Variants in LAMA2 observed in about 807,000 individuals in gnomAD.
The protein encoded by LAMA2 is laminin subunit alpha-2.
LAMA2 carries 269 observed loss-of-function variants against 364.8 expected under a neutral mutation model. The ratio of observed to expected loss-of-function variants is 0.74; its 90% CI spans 0.67 to 0.82. The LOEUF (loss-of-function observed/expected upper bound fraction) is 0.82. Among genes scored for constraint, LAMA2 ranks in the 40% least tolerant of loss-of-function variants. The pLI is 0.00. For missense variants in LAMA2, 3,807 were observed against 3,873.2 expected (o/e 0.98, Z 0.45); for synonymous variants, 1,379 against 1,370.6 (o/e 1.01, Z -0.14).
intron 1 of LAMA2, among the ~76,000 whole-genome samples, chr6:129,035,528 A>T (rs1479409259): frequency 3.7e-3 from 498 of 133,132 alleles, no homozygotes; most frequent in East Asian, 5.9e-3. Flanking sequence ...CCATTTGTTC[A>T]TTTTTTTTTT....
intron 1 of LAMA2, among the ~76,000 whole-genome samples, chr6:129,004,412 A>T (rs1281683221): frequency 4.6e-5 from 3 of 64,934 alleles, no homozygotes; most frequent in East Asian, 2.0e-4. Context: ...ATAATAAAAA[A>T]AAAAAAAAAA....
chr6:129,499,519 C>G (rs918761043), intron 58 of LAMA2, among the ~76,000 whole-genome samples: 3 of 152,118 alleles, frequency 2.0e-5, no homozygotes, highest in African/African-American at 4.8e-5. Context: ...TCCTTAGTGA[C>G]AAGATCATTT....
At position 129,288,008 on chromosome 6, in the gene LAMA2, T is replaced by G; in HGVS notation, c.2699T>G (p.Leu900Arg). 6.2e-7 allele frequency: 1 copy of G among 1,614,110 alleles called. No homozygotes were observed. The highest frequency in any genetic ancestry group is 8.5e-7 in the Non-Finnish European group (1 of 1,179,958). ...GGTACAACAGGCCGGTACTGTGAGC[T>G]CTGTGCTGATGGATATTTTGGAGAT... is the stretch of plus-strand genomic sequence containing the variant. ...KPGTTGRYCE[L>R]CADGYFGDAV... Residue 900 changes from leucine (L) to arginine (R), a missense_variant, in exon 19 of 65, where the codon CTC becomes CGC. Leu to Arg is a moderately radical substitution (Grantham distance 102, BLOSUM62 -2). Coordinates refer to ENST00000421865, the MANE Select transcript of LAMA2 (RefSeq NM_000426.4).
chr6:129,099,347 G>A (rs2114875958), intron 4 of LAMA2, among the ~76,000 whole-genome samples: 1 of 151,700 alleles, frequency 6.6e-6, no homozygotes, highest in East Asian at 1.9e-4. Context: ...TTGCCATTAA[G>A]GAAATAATAA....
intron 32 of LAMA2, 69 bp downstream of exon 32, chr6:129,353,426 A>C: frequency 5.2e-6 from 7 of 1,336,362 alleles, no homozygotes; most frequent in Non-Finnish European, 7.5e-6. Context: ...TCCAATGAGA[A>C]AGAGTGACTC....
intron 9 of LAMA2, among the ~76,000 whole-genome samples, chr6:129,172,968 G>A (rs566904662): frequency 2.6e-5 from 4 of 152,214 alleles, no homozygotes; most frequent in African/African-American, 7.2e-5. Flanking sequence ...TCTGTGACTC[G>A]GAAAGGGAAC....
At chr6:129,214,323 C>T (rs1156727783) in intron 12 of LAMA2, among the ~76,000 whole-genome samples, 2 of 152,112 alleles carry the variant, frequency 1.3e-5, no homozygotes, top group East Asian at 1.9e-4. Flanking sequence ...AACCCACCCT[C>T]GAGGTAGCTA....
chr6:129,052,709 A>G lies in LAMA2; in HGVS notation c.283+2621A>G, dbSNP rs553410664. 2.5e-4 allele frequency among the ~76,000 whole-genome samples: 38 copies of G among 152,258 alleles called. 1 individual carries two copies. Among genetic ancestry groups the G allele is most frequent in the Middle Eastern group, 3.4e-3 (1 of 294 alleles). ...CTTTTATGGGTTTGGACAAACTTAT[A>G]ATGATATATATCTACCATTAGAGTA... On this transcript the variant is annotated intron_variant, in intron 2 of 64. Coordinates refer to ENST00000421865, the MANE Select transcript of LAMA2 (RefSeq NM_000426.4).
At chr6:128,926,527 A>G (rs996964605) in intron 1 of LAMA2, among the ~76,000 whole-genome samples, 1 of 152,220 alleles carries the variant, frequency 6.6e-6, no homozygotes, top group Non-Finnish European at 1.5e-5. Flanking sequence ...GTAGGCTCTC[A>G]AACTGCTGAC....
At chr6:129,068,620 CAT>C (rs1259460481) in intron 3 of LAMA2, among the ~76,000 whole-genome samples, 4 of 151,904 alleles carry the variant, frequency 2.6e-5, no homozygotes, top group African/African-American at 9.7e-5. Context: ...AGGATTTCAA[CAT>C]ATGAATTTTA....
At chr6:129,426,860 G>A (rs1781349040) in intron 40 of LAMA2, among the ~76,000 whole-genome samples, 1 of 152,150 alleles carries the variant, frequency 6.6e-6, no homozygotes, top group Admixed American at 6.6e-5. Flanking sequence ...TGCCTTTAAC[G>A]AGTGTTATGT....
intron 2 of LAMA2, among the ~76,000 whole-genome samples, chr6:129,052,220 C>A (rs1788109289): frequency 6.6e-6 from 1 of 150,990 alleles, no homozygotes; most frequent in African/African-American, 2.4e-5. Context: ...ACTGCAAGCT[C>A]CGCCTCCCGG....
chr6:129,473,954 A>G (rs1307275279), intron 52 of LAMA2, among the ~76,000 whole-genome samples: 4 of 152,058 alleles, frequency 2.6e-5, no homozygotes, highest in Non-Finnish European at 4.4e-5. Flanking sequence ...AAATGTCAGA[A>G]AATACTCACG....
intron 37 of LAMA2, among the ~76,000 whole-genome samples, chr6:129,397,884 C>G (rs368314300): frequency 1.4e-4 from 21 of 148,510 alleles, no homozygotes; most frequent in East Asian, 7.9e-4. Context: ...TTGCAGTGAG[C>G]CAAGATTGCT....
chr6:128,909,969 C>G (rs1266202843), intron 1 of LAMA2, among the ~76,000 whole-genome samples: 3 of 152,096 alleles, frequency 2.0e-5, no homozygotes, highest in African/African-American at 7.2e-5. Context: ...TTGGCCCCCA[C>G]TCTCTTCTGG....
At chr6:129,221,050 T>C (rs1337371796) in intron 12 of LAMA2, among the ~76,000 whole-genome samples, 1 of 151,634 alleles carries the variant, frequency 6.6e-6, no homozygotes, top group Non-Finnish European at 1.5e-5. Context: ...TAATCCCAGC[T>C]ACTCGTGAGG....
In LAMA2 at chr6:129,340,360, G is replaced by A. The variant is rs185139467; in HGVS notation, c.4312-1983G>A. ...ATATTAATGAGAATGAGCCTGCAAA[G>A]GAGGGAATAAAGATGGTGGAGAAAA... On this transcript the variant is annotated intron_variant, in intron 29 of 64. Transcript: ENST00000421865. Among the ~76,000 whole-genome samples the A allele has an allele frequency of 4.6e-3, 694 of 152,162 alleles. 13 individuals carry two copies. Among genetic ancestry groups the A allele is most frequent in the Non-Finnish European group, 1.5e-3 (105 of 68,000 alleles).
chr6:129,433,167 T>C (rs759170599), intron 41 of LAMA2, among the ~76,000 whole-genome samples: 3 of 152,140 alleles, frequency 2.0e-5, no homozygotes, highest in African/African-American at 7.2e-5. Context: ...GCTAGAAATA[T>C]AAAGGTTCAG....
In LAMA2 at chr6:129,287,827, G is replaced by A; in HGVS notation, c.2538-20G>A. ...ACTGAGGTCCCCCCAAAGGCTCACT[G>A]ATGAAATTTCTTGCCTTAGGTGTGC... On this transcript the variant is annotated intron_variant, in intron 18 of 64. Transcript: ENST00000421865. 2.5e-6 allele frequency: 4 copies of A among 1,605,220 alleles called. No individual in the cohort carries two copies. The highest frequency in any genetic ancestry group is 3.4e-6 in the Non-Finnish European group (4 of 1,172,286).
Sources: gnomAD v4.1 joint callset for allele counts (sites outside exome capture counted in the v4.1 genomes callset) on GRCh38, gnomAD v4.1.1 for gene constraint, MANE v1.5 for transcripts, NCBI Gene and HGNC (gene_info 2026-07-23, HGNC 2026-07-21) for gene names.